The following ITGAE variants were observed in gnomAD, a reference collection of about 807,000 sequenced individuals.
ITGAE encodes integrin alpha-E.
In ITGAE, 99 loss-of-function variants were observed where a neutral mutation model predicts 136.5. The observed-to-expected ratio is 0.73, with a 90% confidence interval of 0.62 to 0.86. The LOEUF (loss-of-function observed/expected upper bound fraction) is 0.86. Ranked by LOEUF, ITGAE falls within the 40% of genes least tolerant of loss-of-function variation. The pLI is 0.00. For missense variants in ITGAE, 1,447 were observed against 1,515.3 expected (o/e 0.95, Z 0.75); for synonymous variants, 613 against 591.8 (o/e 1.04, Z -0.52).
intron 20 of ITGAE, among the ~76,000 whole-genome samples, chr17:3,737,537 A>G (rs1302188280): frequency 2.6e-5 from 4 of 151,952 alleles, no homozygotes; most frequent in African/African-American, 7.3e-5. Context: ...GATGCGTTCA[A>G]TCGGGGACAT....
At chr17:3,759,967 A>G (rs1299957069) in intron 7 of ITGAE, among the ~76,000 whole-genome samples, 1 of 152,208 alleles carries the variant, frequency 6.6e-6, no homozygotes, top group African/African-American at 2.4e-5. Flanking sequence ...AAGTGAGGTC[A>G]TCTTAGGCCA....
intron 26 of ITGAE, chr17:3,725,747 A>C (rs770450286): frequency 1.3e-6 from 2 of 1,584,796 alleles, no homozygotes; most frequent in Non-Finnish European, 1.7e-6. Flanking sequence ...TTGTGCTGGA[A>C]TTTGAGTTTG....
Position 3,723,381 on chromosome 17 carries a change from A to G in ITGAE, c.3144T>C (p.His1048=), listed in dbSNP as rs771277634. The G allele has an allele frequency of 1.9e-6, 3 of 1,610,434 alleles. No individual in the cohort carries two copies. Among genetic ancestry groups the G allele is most frequent in the Admixed American group, 3.3e-5 (2 of 60,024 alleles). ...AGCTCACTGAATGCCATTCTTCCAC[A>G]TGCTGGAAAAGCGAGGTCTAGTGAA... is the stretch of plus-strand genomic sequence containing the variant. The part of the protein sequence containing the change: ...ERACAYSSVQ[H]VEEWHSVSCV... Residue 1048 remains histidine, a splice_region_variant and synonymous_variant, in exon 28 of 31, where the codon CAT becomes CAC. Transcript: ENST00000263087.
At chr17:3,785,496 G>GAGGAAGGAGGA (rs2052765019) in intron 1 of ITGAE, among the ~76,000 whole-genome samples, 5 of 107,700 alleles carry the variant, frequency 4.6e-5, no homozygotes, top group Non-Finnish European at 7.7e-5. Context: ...AGGAAGGAAG[G>GAGGAAGGAGGA]AGGAAGGAAG....
Position 3,745,774 on chromosome 17 carries a change from G to C in ITGAE, c.2309C>G (p.Thr770Arg). The C allele has an allele frequency of 1.2e-6, 2 of 1,613,892 alleles. No individual in the cohort carries two copies. The highest frequency in any genetic ancestry group is 1.7e-6 in the Non-Finnish European group (2 of 1,179,946). ...AACTCCGTCACTTACCTCTCCCTCT[G>C]TGGGCATGAGCAGGAGGTCCTCACA... The part of the protein sequence containing the change: ...QLCEDLLLMP[T>R]EGELCEEDCF... Residue 770 changes from threonine (T) to arginine (R), a missense_variant, in exon 18 of 31, where the codon ACA becomes AGA. Physicochemically the swap from Thr to Arg is moderately conservative, Grantham distance 71. This residue lies in a region of ITGAE where 1,031 missense variants were observed against 1,011.4 expected (regional missense o/e 1.02). Coordinates refer to ENST00000263087, the MANE Select transcript of ITGAE (RefSeq NM_002208.5).
Position 3,739,584 on chromosome 17 carries a change from C to T in ITGAE, c.2522+221G>A, listed in dbSNP as rs375086587. On this transcript the variant is annotated intron_variant, in intron 20 of 30. Transcript: ENST00000263087. ...CAAATGGCCTATGCAGGGCCCTCGG[C>T]GACTGAGTCTGCTTCCTAATCTAGA... 3.9e-5 allele frequency among the ~76,000 whole-genome samples: 6 copies of T among 152,150 alleles called. No homozygotes were observed. The East Asian group carries it at 7.7e-4, about 20-fold the overall frequency.
At chr17:3,722,920 C>T (rs1442164505) in intron 28 of ITGAE, among the ~76,000 whole-genome samples, 1 of 152,126 alleles carries the variant, frequency 6.6e-6, no homozygotes, top group Non-Finnish European at 1.5e-5. Flanking sequence ...GAAAGGCAGG[C>T]CGAAGGTTAT....
At position 3,753,853 on chromosome 17, in the gene ITGAE, T is replaced by A. The variant is rs1370777139; in HGVS notation, c.1457A>T (p.His486Leu). The change falls in exon 13 of 31, where the codon CAT (histidine) becomes CTT (leucine). Residue 486 changes from histidine (H) to leucine (L), a missense_variant. Coordinates refer to ENST00000263087, the MANE Select transcript of ITGAE (RefSeq NM_002208.5). ...CTTCTGGAGCTCAAACACGGCCCCA[T>A]GATGTTTGTACCGTGGAGCCCCCGC... ...YIAGAPRYKH[H>L]GAVFELQKEG... The A allele has an allele frequency of 6.2e-7, 1 of 1,614,102 alleles. No homozygotes were observed. The highest frequency in any genetic ancestry group is 2.2e-5 in the East Asian group (1 of 44,874).
chr17:3,738,513 G>A (rs1050580439), intron 20 of ITGAE, among the ~76,000 whole-genome samples: 2 of 152,142 alleles, frequency 1.3e-5, no homozygotes, highest in African/African-American at 4.8e-5. Flanking sequence ...CCACACTCAT[G>A]TGCTTGGCAA....
intron 26 of ITGAE, chr17:3,724,221 G>T: frequency 6.3e-7 from 1 of 1,593,626 alleles, no homozygotes; most frequent in East Asian, 2.2e-5. Context: ...CAGCCTGACC[G>T]TGACCCCAAA....
At chr17:3,726,995 T>G (rs897176048) in intron 26 of ITGAE, among the ~76,000 whole-genome samples, 2 of 152,084 alleles carry the variant, frequency 1.3e-5, no homozygotes, top group African/African-American at 4.8e-5. Context: ...CCCAAAGTGC[T>G]GGGTGATTAC....
chr17:3,784,231 G>A (rs1227541689), intron 1 of ITGAE: 5 of 275,934 alleles, frequency 1.8e-5, no homozygotes, highest in African/African-American at 2.4e-5. Context: ...CTGCACTCCC[G>A]CCTGGGCAAC....
At chr17:3,773,286 T>A (rs1054490277) in intron 2 of ITGAE, among the ~76,000 whole-genome samples, 1 of 151,908 alleles carries the variant, frequency 6.6e-6, no homozygotes, top group African/African-American at 2.4e-5. Context: ...GGTCAGGAGT[T>A]CGAGACCAGC....
chr17:3,745,830 G>A lies in ITGAE; in HGVS notation c.2253C>T (p.Cys751=), dbSNP rs775759831. The A allele has an allele frequency of 5.0e-6, 8 of 1,614,058 alleles. No homozygotes were observed. In the Admixed American group the frequency reaches 1.3e-4, roughly 27 times the overall value. ...GGGATCCGCTGCTCCACTCCCTCAG[G>A]CAGCCCAGACAGCTTCTTACGTCTG... ...QCSDVRSCLG[C]LREWSSGSQL... Residue 751 remains cysteine (C), a synonymous_variant, in exon 18 of 31, where the codon TGC becomes TGT. Coordinates refer to ENST00000263087, the MANE Select transcript of ITGAE (RefSeq NM_002208.5).
chr17:3,725,795 T>C (rs760216347), intron 26 of ITGAE: 23 of 1,605,842 alleles, frequency 1.4e-5, no homozygotes, highest in Non-Finnish European at 1.9e-5. Context: ...CCAAGTTGTC[T>C]TCCTTGGCTA....
At chr17:3,724,130 T>C in intron 26 of ITGAE, 1 of 1,594,696 alleles carries the variant, frequency 6.3e-7, no homozygotes. Context: ...ATCCTGACGA[T>C]CCCGACGACC....
At chr17:3,775,282 T>C (rs1181917281) in intron 2 of ITGAE, among the ~76,000 whole-genome samples, 1 of 152,104 alleles carries the variant, frequency 6.6e-6, no homozygotes, top group Non-Finnish European at 1.5e-5. Context: ...ACTTGCCTTT[T>C]TCAACTCACG....
At chr17:3,800,314 C>A (rs1043280384) in intron 1 of ITGAE, among the ~76,000 whole-genome samples, 2 of 152,162 alleles carry the variant, frequency 1.3e-5, no homozygotes, top group African/African-American at 4.8e-5. Context: ...CTTTCATCCA[C>A]ATAAGCTTGA....
intron 17 of ITGAE, among the ~76,000 whole-genome samples, chr17:3,746,210 G>A (rs1006016034): frequency 3.3e-5 from 5 of 152,132 alleles, no homozygotes; most frequent in African/African-American, 9.7e-5. Flanking sequence ...GAAGGGGATC[G>A]AGATTGAAGA....
Sources: allele counts gnomAD v4.1 joint callset (sites outside exome capture counted in the v4.1 genomes callset), GRCh38; gene constraint gnomAD v4.1.1; regional missense constraint gnomAD v4.1.1; transcripts MANE v1.5; gene names NCBI Gene and HGNC (gene_info 2026-07-23, HGNC 2026-07-21).